Variants in MDGA2 observed in about 807,000 individuals in gnomAD.
MDGA2 encodes MAM domain-containing glycosylphosphatidylinositol anchor protein 2.
Under a neutral mutation model 117.8 loss-of-function variants are expected in MDGA2, and 40 were observed. The observed-to-expected ratio is 0.34, with a 90% CI of 0.26 to 0.44. MDGA2 has a LOEUF of 0.44. MDGA2 is among the 20% of genes least tolerant of loss of function. MDGA2 has a pLI of 1.00. For missense variants in MDGA2, 1,123 were observed against 1,250.6 expected (o/e 0.90, Z 1.54); for synonymous variants, 452 against 439.0 (o/e 1.03, Z -0.37).
intron 8 of MDGA2, among the ~76,000 whole-genome samples, chr14:47,019,761 G>C (rs754736892): frequency 3.4e-4 from 51 of 151,082 alleles, no homozygotes; most frequent in Non-Finnish European, 4.0e-4. Context: ...GGAGAATGAC[G>C]TGAACCCGGG....
chr14:46,861,204 C>T (rs1459016869), intron 14 of MDGA2, among the ~76,000 whole-genome samples: 1 of 151,726 alleles, frequency 6.6e-6, no homozygotes, highest in Non-Finnish European at 1.5e-5. Context: ...ATTTTTAAGA[C>T]CTATTATAGT....
intron 3 of MDGA2, 144 bp from the exon 4 acceptor site, chr14:47,144,418 A>T (rs2139203097): frequency 1.8e-6 from 1 of 557,604 alleles, no homozygotes; most frequent in Non-Finnish European, 3.1e-6. Flanking sequence ...CACTCAGCTT[A>T]TTGAATTCAT....
rs142247496 is a variant in MDGA2 at position 46,854,978 on chromosome 14, T to C, written c.2883+46A>G. On this transcript the variant is annotated intron_variant, in intron 15 of 16. Coordinates refer to ENST00000399232, the MANE Select transcript of MDGA2 (RefSeq NM_001113498.3). ...ATTTGCTCAAGATCCACCTTTAATA[T>C]TATGCTCATTTACAGCAATTAATTA... 2.0e-6 allele frequency: 3 copies of C among 1,488,870 alleles called. No individual in the cohort carries two copies. In the African/African-American group the frequency reaches 4.2e-5, roughly 21 times the overall value. The allele number at this position is 1,488,870 out of a possible 1,614,324, so 92.2% of individuals were successfully genotyped here.
At position 47,647,677 on chromosome 14, in the gene MDGA2, A is replaced by G. The variant is rs1566557838; in HGVS notation, c.280+26840T>C. Among the ~76,000 whole-genome samples, 5 of 152,290 alleles carry G rather than the reference A, an allele frequency of 3.3e-5. No individual in the cohort carries two copies. The Middle Eastern group carries it at 0.014, about 414-fold the overall frequency. On this transcript the variant is annotated intron_variant, in intron 1 of 16. Transcript: ENST00000399232. Reference sequence around the variant, plus strand: ...TATTGGGGTGGGCAGGTGGCTTGCCACTTTTCGCCTACCACAAAATAACAT... The same window carrying G: ...TATTGGGGTGGGCAGGTGGCTTGCCGCTTTTCGCCTACCACAAAATAACAT...
intron 2 of MDGA2, among the ~76,000 whole-genome samples, chr14:47,236,290 C>CAAAAAAA (rs5808383): frequency 1.8e-4 from 12 of 67,262 alleles, no homozygotes; most frequent in African/African-American, 4.8e-4. Flanking sequence ...GACTCCGCCT[C>CAAAAAAA]AAAAAAAAAA....
At chr14:47,026,004 C>T (rs985259501) in intron 8 of MDGA2, among the ~76,000 whole-genome samples, 1 of 151,986 alleles carries the variant, frequency 6.6e-6, no homozygotes, top group East Asian at 1.9e-4. Context: ...AATCTAAGAC[C>T]CTTGGTAGAT....
At chr14:47,374,654 T>C (rs906304429) in intron 1 of MDGA2, among the ~76,000 whole-genome samples, 1 of 152,074 alleles carries the variant, frequency 6.6e-6, no homozygotes, top group Non-Finnish European at 1.5e-5. Context: ...CTGTGACAGA[T>C]CAATTTAGGA....
At chr14:47,552,899 T>C (rs1895611577) in intron 1 of MDGA2, among the ~76,000 whole-genome samples, 2 of 152,250 alleles carry the variant, frequency 1.3e-5, no homozygotes, top group Non-Finnish European at 2.9e-5. Context: ...CTTACGTTCC[T>C]TCCCCATGGA....
chr14:47,366,687 T>C (rs531246981), intron 1 of MDGA2, among the ~76,000 whole-genome samples: 2 of 152,100 alleles, frequency 1.3e-5, no homozygotes, highest in Admixed American at 6.6e-5. Context: ...TCTGGCTCTT[T>C]ATTATAAATC....
intron 8 of MDGA2, among the ~76,000 whole-genome samples, chr14:47,026,760 T>C (rs1304676055): frequency 6.6e-6 from 1 of 152,110 alleles, no homozygotes; most frequent in Middle Eastern, 3.2e-3. Flanking sequence ...TAGTCATACT[T>C]ATATATTTAT....
At chr14:47,489,334 G>A (rs537414821) in intron 1 of MDGA2, among the ~76,000 whole-genome samples, 17 of 151,998 alleles carry the variant, frequency 1.1e-4, no homozygotes, top group South Asian at 4.2e-4. Context: ...TAACTTTTTC[G>A]TGGCACTCAT....
At chr14:47,040,218 C>T (rs2138672507) in intron 7 of MDGA2, among the ~76,000 whole-genome samples, 1 of 152,126 alleles carries the variant, frequency 6.6e-6, no homozygotes, top group African/African-American at 2.4e-5. Flanking sequence ...GGCACTAATT[C>T]AGGGAAGAGG....
intron 2 of MDGA2, among the ~76,000 whole-genome samples, chr14:47,255,105 C>T (rs1887574389): frequency 6.6e-6 from 1 of 152,116 alleles, no homozygotes; most frequent in African/African-American, 2.4e-5. Context: ...GGGACACAAC[C>T]AAATCACATT....
At chr14:47,055,070 T>C (rs555632220) in intron 7 of MDGA2, among the ~76,000 whole-genome samples, 1 of 151,198 alleles carries the variant, frequency 6.6e-6, no homozygotes, top group African/African-American at 2.4e-5. Context: ...AATGAAAGTG[T>C]TTTGCCTCTC....
intron 9 of MDGA2, among the ~76,000 whole-genome samples, chr14:46,956,264 A>G (rs971624443): frequency 6.6e-6 from 1 of 152,084 alleles, no homozygotes; most frequent in Non-Finnish European, 1.5e-5. Context: ...TTCAACTATT[A>G]CAACTAACTT....
chr14:47,401,545 G>T (rs1594838822), intron 1 of MDGA2, among the ~76,000 whole-genome samples: 1 of 152,122 alleles, frequency 6.6e-6, no homozygotes, highest in African/African-American at 2.4e-5. Context: ...GTTATAGTTT[G>T]GTTATGTTTG....
intron 1 of MDGA2, among the ~76,000 whole-genome samples, chr14:47,426,622 ATAT>A (rs1892695508): frequency 1.3e-5 from 2 of 150,426 alleles, no homozygotes; most frequent in Non-Finnish European, 3.0e-5. Flanking sequence ...TGTAAAAAAC[ATAT>A]TTTTTGAAAA....
chr14:47,018,736 A>G (rs998661985), intron 8 of MDGA2, among the ~76,000 whole-genome samples: 1 of 69,192 alleles, frequency 1.4e-5, no homozygotes, highest in East Asian at 1.1e-3. Context: ...TTTTACTGAA[A>G]AAAAAAAAAA....
intron 3 of MDGA2, among the ~76,000 whole-genome samples, chr14:47,185,472 T>C (rs1884873556): frequency 6.6e-6 from 1 of 151,552 alleles, no homozygotes; most frequent in Non-Finnish European, 1.5e-5. Flanking sequence ...CACATTATTA[T>C]GTGATGGCAA....
Sources: allele counts gnomAD v4.1 joint callset (sites outside exome capture counted in the v4.1 genomes callset), GRCh38; gene constraint gnomAD v4.1.1; transcripts MANE v1.5; gene names NCBI Gene and HGNC (gene_info 2026-07-23, HGNC 2026-07-21).